ATP6V0A4: variants seen among roughly 807,000 people sequenced by gnomAD.
The protein encoded by ATP6V0A4 is V-type proton ATPase 116 kDa subunit a 4.
ATP6V0A4 carries 86 observed loss-of-function variants against 107.3 expected under a neutral mutation model. That is an observed-to-expected ratio of 0.80 (90% CI 0.67 to 0.96). The LOEUF is 0.96. Ranked by LOEUF, ATP6V0A4 falls within the 40% of genes least tolerant of loss-of-function variation. ATP6V0A4 has a pLI of 0.00. For missense variants in ATP6V0A4, 908 were observed against 1,045.6 expected (o/e 0.87, Z 1.81); for synonymous variants, 353 against 381.4 (o/e 0.93, Z 0.87).
rs1027253196 is a variant in ATP6V0A4, at chr7:138,771,005, C to T, written c.117+126G>A. On this transcript the variant is annotated intron_variant, in intron 3 of 21. Coordinates refer to ENST00000310018, the MANE Select transcript of ATP6V0A4 (RefSeq NM_020632.3). ...CAGAAGCACTAAAACTACAGAATTTCATCGATTCCAGCTCACGGCTCCTCT... is the reference window on the plus strand; with the variant it reads ...CAGAAGCACTAAAACTACAGAATTTTATCGATTCCAGCTCACGGCTCCTCT... 9.8e-6 allele frequency: 10 copies of T among 1,018,272 alleles called. No individual in the cohort carries two copies. In the African/African-American group the frequency reaches 1.4e-4, roughly 14 times the overall value. 63.1% of individuals were successfully genotyped at this position (1,018,272 alleles called of 1,614,324 possible).
intron 14 of ATP6V0A4, 142 bp from the exon 15 acceptor site, chr7:138,739,775 A>G (rs1805526590): frequency 2.9e-6 from 4 of 1,390,298 alleles, no homozygotes; most frequent in Non-Finnish European, 3.9e-6. Flanking sequence ...TATCTACTAC[A>G]CATCAAGTAT....
At chr7:138,758,858 C>G (rs1475872623) in intron 8 of ATP6V0A4, among the ~76,000 whole-genome samples, 1 of 143,434 alleles carries the variant, frequency 7.0e-6, no homozygotes, top group African/African-American at 2.6e-5. Flanking sequence ...ACCAGTGATT[C>G]TCCTGCCTCA....
intron 19 of ATP6V0A4, among the ~76,000 whole-genome samples, chr7:138,718,229 T>C (rs1311065398): frequency 0.066 from 1,017 of 15,440 alleles, 129 homozygotes; most frequent in Middle Eastern, 0.12. Flanking sequence ...TGTGTGTGTG[T>C]GCGCGCAGTT....
chr7:138,759,682 G>T, intron 8 of ATP6V0A4, 70 bp downstream of exon 8: 2 of 1,541,010 alleles, frequency 1.3e-6, no homozygotes, highest in South Asian at 1.1e-5. Flanking sequence ...CATGTTTTGG[G>T]AGAACGAAGC....
Position 138,798,115 on chromosome 7 carries a change from T to G in ATP6V0A4, c.-202A>C. On this transcript the variant is annotated 5_prime_UTR_variant, in exon 1 of 22. Transcript: ENST00000310018. Reference sequence around the variant, plus strand: ...AGCACAGCCTCCAGCATGCAGCGCCTCCCCGCTGCCACCCGGGCCACCCTG... The same window carrying G: ...AGCACAGCCTCCAGCATGCAGCGCCGCCCCGCTGCCACCCGGGCCACCCTG... The G allele has an allele frequency of 1.3e-6, 2 of 1,598,730 alleles. No individual in the cohort carries two copies. The highest frequency in any genetic ancestry group is 1.7e-6 in the Non-Finnish European group (2 of 1,173,382).
At chr7:138,739,000 ACAGG>A (rs1452271481) in intron 15 of ATP6V0A4, among the ~76,000 whole-genome samples, 2 of 152,214 alleles carry the variant, frequency 1.3e-5, no homozygotes, top group Non-Finnish European at 2.9e-5. Flanking sequence ...CTTTATATCT[ACAGG>A]CTGCGAGGAA....
chr7:138,725,043 G>A (rs55719706), intron 18 of ATP6V0A4, among the ~76,000 whole-genome samples: 16,323 of 152,226 alleles, frequency 0.11, 940 homozygotes, highest in East Asian at 0.14. Context: ...GGCAAAGGCA[G>A]GAGGATCACT....
At chr7:138,751,084 G>A (rs909496162) in intron 11 of ATP6V0A4, among the ~76,000 whole-genome samples, 2 of 151,894 alleles carry the variant, frequency 1.3e-5, no homozygotes, top group Non-Finnish European at 2.9e-5. Context: ...GAGATCTGCC[G>A]TCACCAGATA....
intron 18 of ATP6V0A4, among the ~76,000 whole-genome samples, chr7:138,728,037 A>G (rs1346434655): frequency 2.5e-4 from 38 of 152,200 alleles, no homozygotes; most frequent in Non-Finnish European, 2.1e-4. Flanking sequence ...AACATAATAC[A>G]GTAAAGTCTC....
intron 18 of ATP6V0A4, among the ~76,000 whole-genome samples, chr7:138,725,982 T>TTTATTTAG (rs150092202): frequency 4.9e-5 from 2 of 40,928 alleles, no homozygotes; most frequent in African/African-American, 2.3e-4. Flanking sequence ...TGAAATGAAG[T>TTTATTTAG]TTATTTATTT....
At chr7:138,749,110 C>T in intron 12 of ATP6V0A4, 57 bp downstream of exon 12, 1 of 1,605,770 alleles carries the variant, frequency 6.2e-7, no homozygotes, top group Non-Finnish European at 8.5e-7. Flanking sequence ...CTCAGGGGTC[C>T]ATCTTACCAG....
chr7:138,706,860 G>T, intron 21 of ATP6V0A4, 143 bp from the exon 22 acceptor site: 1 of 1,302,636 alleles, frequency 7.7e-7, no homozygotes, highest in Non-Finnish European at 1.0e-6. Context: ...CAGGCACCCA[G>T]GCTGATGGCT....
chr7:138,797,950 C>T (rs1474898098), intron 1 of ATP6V0A4, 84 bp downstream of exon 1: 2 of 1,535,058 alleles, frequency 1.3e-6, no homozygotes, highest in East Asian at 4.9e-5. Context: ...TTGCTCCACC[C>T]CATGGTGTTT....
At chr7:138,762,575 C>T (rs1038344450) in intron 6 of ATP6V0A4, 141 bp from the exon 7 acceptor site, 55 of 1,449,934 alleles carry the variant, frequency 3.8e-5, no homozygotes, top group Non-Finnish European at 4.9e-5. Context: ...ACAGAGTGCT[C>T]CTGGCCAGAT....
intron 1 of ATP6V0A4, among the ~76,000 whole-genome samples, chr7:138,793,219 C>T (rs7801251): frequency 0.084 from 12,745 of 152,098 alleles, 1,727 homozygotes; most frequent in African/African-American, 0.29. Flanking sequence ...CGCTTGGACC[C>T]GGGAGGTGGA....
chr7:138,791,896 T>C (rs894928285), intron 1 of ATP6V0A4, among the ~76,000 whole-genome samples: 5 of 152,092 alleles, frequency 3.3e-5, no homozygotes, highest in Non-Finnish European at 7.4e-5. Context: ...CCGGTAAACA[T>C]GTAAATAAAT....
intron 18 of ATP6V0A4, among the ~76,000 whole-genome samples, chr7:138,723,369 C>T (rs1804534180): frequency 6.6e-6 from 1 of 152,120 alleles, no homozygotes; most frequent in African/African-American, 2.4e-5. Context: ...AGTCACCATT[C>T]AACTTGGTCT....
Position 138,752,671 on chromosome 7 carries a change from G to A in ATP6V0A4, c.983C>T (p.Pro328Leu), listed in dbSNP as rs1298220188. 5 of 1,613,894 alleles carry A rather than the reference G, an allele frequency of 3.1e-6. No individual in the cohort carries two copies. Among genetic ancestry groups the A allele is most frequent in the East Asian group, 2.2e-5 (1 of 44,866 alleles). Residue 328 changes from proline (P) to leucine (L), a missense_variant, in exon 11 of 22, where the codon CCG becomes CTG. Coordinates refer to ENST00000310018, the MANE Select transcript of ATP6V0A4 (RefSeq NM_020632.3). ...QQCVIAEIWF[P>L]VADATRIKRA... ...CTTGATACGTGTGGCATCTGCCACCGGGAACCAGATCTCGGCGATGACACA... is the reference window on the plus strand; with the variant it reads ...CTTGATACGTGTGGCATCTGCCACCAGGAACCAGATCTCGGCGATGACACA...
At chr7:138,728,628 G>T in intron 18 of ATP6V0A4, 133 bp downstream of exon 18, 1 of 1,216,336 alleles carries the variant, frequency 8.2e-7, no homozygotes, top group Non-Finnish European at 1.2e-6. Flanking sequence ...ACATACTCAG[G>T]GCGGGTCAGT....
Sources: allele counts gnomAD v4.1 joint callset (sites outside exome capture counted in the v4.1 genomes callset), GRCh38; gene constraint gnomAD v4.1.1; transcripts MANE v1.5; gene names NCBI Gene and HGNC (gene_info 2026-07-23, HGNC 2026-07-21).